The following SAMD4A variants were observed in gnomAD, a reference collection of about 807,000 sequenced individuals.
SAMD4A encodes the protein protein Smaug homolog 1.
SAMD4A carries 33 observed loss-of-function variants against 81.3 expected under a neutral mutation model. That is an observed-to-expected ratio of 0.41 (90% CI 0.31 to 0.54). The LOEUF (loss-of-function observed/expected upper bound fraction) is 0.54, where lower values mean the gene tolerates loss of function less well. SAMD4A is among the 20% of genes least tolerant of loss of function. The pLI is 0.37. For synonymous variants in SAMD4A, 389 were observed against 382.1 expected, an observed-to-expected ratio of 1.02 and a Z score of -0.21; for missense variants, 854 against 951.1, an observed-to-expected ratio of 0.90 and a Z score of 1.34.
chr14:54,577,674 A>G (rs1206284658), intron 2 of SAMD4A, among the ~76,000 whole-genome samples: 1 of 152,232 alleles, frequency 6.6e-6, no homozygotes, highest in Non-Finnish European at 1.5e-5. Context: ...TGTACTCAGA[A>G]CAAGTCTGTG....
At chr14:54,727,739 A>G (rs1436236234) in intron 3 of SAMD4A, among the ~76,000 whole-genome samples, 2 of 152,216 alleles carry the variant, frequency 1.3e-5, no homozygotes, top group East Asian at 3.8e-4. Flanking sequence ...AATGAATTTT[A>G]GCAATATGTG....
chr14:54,577,680 CTG>C (rs2033342963), intron 2 of SAMD4A, among the ~76,000 whole-genome samples: 1 of 152,260 alleles, frequency 6.6e-6, no homozygotes, highest in Admixed American at 6.5e-5. Flanking sequence ...CAGAACAAGT[CTG>C]TGCTACCAGT....
chr14:54,737,078 C>A lies in SAMD4A; in HGVS notation c.770C>A (p.Pro257Gln), dbSNP rs1306173842. 2 of 1,613,960 alleles carry A rather than the reference C, an allele frequency of 1.2e-6. No homozygotes were observed. The highest frequency in any genetic ancestry group is 1.7e-6 in the Non-Finnish European group (2 of 1,180,020). ...TTGAAACGATCTGTGTCCCTTACCC[C>A]ACCCATGAATGTGCCAAACCAGCCT... ...SPLKRSVSLT[P>Q]PMNVPNQPLG... is the part of the protein sequence containing the mutation. The change falls in exon 4 of 13, where the codon CCA (proline) becomes CAA (glutamine). Residue 257 changes from proline (P) to glutamine (Q), a missense_variant. Around this residue, in one of 3 missense-constraint regions of SAMD4A, gnomAD observed 387 missense variants for 405.8 expected, o/e 0.95. Coordinates refer to ENST00000554335, the MANE Select transcript of SAMD4A (RefSeq NM_015589.6).
intron 2 of SAMD4A, chr14:54,695,000 C>G: frequency 5.1e-6 from 4 of 791,864 alleles, no homozygotes; most frequent in Non-Finnish European, 6.1e-6. Flanking sequence ...GGTCAGATGC[C>G]TTTGAATGAC....
chr14:54,748,202 C>A (rs1022199317), intron 4 of SAMD4A, among the ~76,000 whole-genome samples: 9 of 152,266 alleles, frequency 5.9e-5, no homozygotes, highest in Non-Finnish European at 1.0e-4. Flanking sequence ...GATCAGGATG[C>A]CCTTTTTCCC....
intron 4 of SAMD4A, among the ~76,000 whole-genome samples, chr14:54,739,462 C>G (rs766294105): frequency 1.1e-4 from 17 of 151,276 alleles, no homozygotes; most frequent in Admixed American, 2.6e-4. Flanking sequence ...TTCCCTTCTT[C>G]CAAGAACTTC....
intron 2 of SAMD4A, among the ~76,000 whole-genome samples, chr14:54,681,444 T>C (rs1353513614): frequency 6.6e-6 from 1 of 152,208 alleles, no homozygotes; most frequent in Non-Finnish European, 1.5e-5. Context: ...TATTTTTCTT[T>C]TTGGAGATGC....
chr14:54,749,119 G>C (rs1044702068), intron 5 of SAMD4A, among the ~76,000 whole-genome samples, 195 bp downstream of exon 5: 3 of 152,202 alleles, frequency 2.0e-5, no homozygotes, highest in African/African-American at 7.2e-5. Context: ...TCCAATAGGA[G>C]ATGGAAGACA....
Position 54,567,817 on chromosome 14 carries a change from C to T in SAMD4A, c.-100C>T, listed in dbSNP as rs2032983759. 7.7e-7 allele frequency: 1 copy of T among 1,297,638 alleles called. No individual in the cohort carries two copies. Among genetic ancestry groups the T allele is most frequent in the African/African-American group, 1.6e-5 (1 of 64,218 alleles). The allele number at this position is 1,297,638 out of a possible 1,614,324, so 80.4% of individuals were successfully genotyped here. A position where few individuals can be genotyped will look rare whatever the true frequency, so the allele number is the denominator to read the frequency against. On this transcript the variant is annotated 5_prime_UTR_variant, in exon 2 of 13. Transcript: ENST00000554335. ...CCAGAGCCACCTTGGAACAGGAACG[C>T]GTCTCCGGCCGCGGGGCTGCGGCTC...
chr14:54,781,969 A>G (rs1433409690), intron 11 of SAMD4A, among the ~76,000 whole-genome samples: 1 of 152,272 alleles, frequency 6.6e-6, no homozygotes, highest in Non-Finnish European at 1.5e-5. Context: ...CCCAAGACTT[A>G]GAATTTTTCA....
chr14:54,664,283 A>C (rs903457608), intron 2 of SAMD4A, among the ~76,000 whole-genome samples: 1 of 152,210 alleles, frequency 6.6e-6, no homozygotes, highest in Non-Finnish European at 1.5e-5. Flanking sequence ...CCATCTTCAA[A>C]GATAAGGCAT....
intron 2 of SAMD4A, among the ~76,000 whole-genome samples, chr14:54,589,662 T>C (rs183941223): frequency 5.9e-5 from 9 of 152,342 alleles, no homozygotes; most frequent in Non-Finnish European, 8.8e-5. Flanking sequence ...CAAAAGAACA[T>C]ATACTGTGTT....
rs542411752 is a variant in SAMD4A at position 54,773,739 on chromosome 14, A to C, written c.1716-1195A>C. 1.2e-4 allele frequency among the ~76,000 whole-genome samples: 18 copies of C among 152,344 alleles called. No individual in the cohort carries two copies. In the South Asian group the frequency reaches 3.7e-3, roughly 32 times the overall value. On this transcript the variant is annotated intron_variant, in intron 9 of 12. Coordinates refer to ENST00000554335, the MANE Select transcript of SAMD4A (RefSeq NM_015589.6). ...TGTGTCCTAGGTCCAGAACACTTGC[A>C]AACATCATCTCCGACCTTATATCCC... is the stretch of plus-strand genomic sequence containing the variant.
intron 2 of SAMD4A, among the ~76,000 whole-genome samples, chr14:54,576,314 A>C (rs1049490505): frequency 6.6e-6 from 1 of 152,184 alleles, no homozygotes; most frequent in Non-Finnish European, 1.5e-5. Flanking sequence ...TGCATGAGTA[A>C]AATGTCAATG....
At chr14:54,625,713 A>G (rs2034727945) in intron 2 of SAMD4A, among the ~76,000 whole-genome samples, 1 of 152,200 alleles carries the variant, frequency 6.6e-6, no homozygotes, top group Non-Finnish European at 1.5e-5. Flanking sequence ...CCTAAGGAAA[A>G]GAGCTTTATA....
intron 3 of SAMD4A, among the ~76,000 whole-genome samples, chr14:54,705,622 A>G (rs1304472643): frequency 6.6e-6 from 1 of 152,006 alleles, no homozygotes; most frequent in Non-Finnish European, 1.5e-5. Context: ...TTCCACTGCT[A>G]TTTTATTGCT....
In SAMD4A at chr14:54,764,451, A is replaced by G; in HGVS notation, c.1511-4A>G. The G allele has an allele frequency of 6.3e-7, 1 of 1,586,176 alleles. No individual in the cohort carries two copies. Among genetic ancestry groups the G allele is most frequent in the Non-Finnish European group, 8.6e-7 (1 of 1,164,264 alleles). On this transcript the variant is annotated splice_region_variant and splice_polypyrimidine_tract_variant and intron_variant, in intron 7 of 12. Coordinates refer to ENST00000554335, the MANE Select transcript of SAMD4A (RefSeq NM_015589.6). ...TCTAATTCATCTTTTCTTTTTAATT[A>G]CAGTGTGCACACAGCTCTTGGTCTC...
At chr14:54,702,860 G>A (rs918055152) in intron 3 of SAMD4A, 16 of 382,558 alleles carry the variant, frequency 4.2e-5, no homozygotes, top group East Asian at 1.3e-4. Flanking sequence ...GAAACTTGCC[G>A]TTTCCACAAT....
intron 2 of SAMD4A, among the ~76,000 whole-genome samples, chr14:54,688,948 T>TTTTTTTTTTTTGG (rs2036355905): frequency 1.4e-5 from 2 of 147,948 alleles, no homozygotes; most frequent in African/African-American, 2.5e-5. Flanking sequence ...TTTTTTTTTT[T>TTTTTTTTTTTTGG]GAGGCGGAGT....
Sources: gnomAD v4.1 joint callset for allele counts (sites outside exome capture counted in the v4.1 genomes callset) on GRCh38, gnomAD v4.1.1 for gene constraint, gnomAD v4.1.1 regional missense constraint, MANE v1.5 for transcripts, NCBI Gene and HGNC (gene_info 2026-07-23, HGNC 2026-07-21) for gene names.